ZDHHC14: variants seen among roughly 807,000 people sequenced by gnomAD.
ZDHHC14 encodes zDHHC palmitoyltransferase 14, also known as palmitoyltransferase ZDHHC14.
In ZDHHC14, 16 loss-of-function variants were observed where a neutral mutation model predicts 47.7. That is an observed-to-expected ratio of 0.34 (90% CI 0.23 to 0.51). The LOEUF is 0.51. ZDHHC14 is among the 20% of genes least tolerant of loss of function. The pLI is 0.97. For missense variants in ZDHHC14, 515 were observed against 662.5 expected, an observed-to-expected ratio of 0.78 and a Z score of 2.44; for synonymous variants, 293 against 278.9, an observed-to-expected ratio of 1.05 and a Z score of -0.50.
In ZDHHC14 at chr6:157,674,147, C is replaced by T. The variant is rs1484342646; in HGVS notation, c.*1025C>T. 8.5e-5 allele frequency: 13 copies of T among 152,168 alleles called. No individual in the cohort carries two copies. Among genetic ancestry groups the T allele is most frequent in the Admixed American group, 8.5e-4 (13 of 15,278 alleles). 9.4% of individuals were successfully genotyped at this position (152,168 alleles called of 1,614,324 possible). A position where few individuals can be genotyped will look rare whatever the true frequency, so the allele number is the denominator to read the frequency against. The stretch of plus-strand genomic sequence containing the variant: ...ATTTTCTTTAATTATCTCTTTTTGA[C>T]ACCATCTTAGTGGAATTTGCTCTAC... On this transcript the variant is annotated 3_prime_UTR_variant, in exon 9 of 9. Transcript: ENST00000359775.
At chr6:157,619,206 C>T (rs145867561) in intron 3 of ZDHHC14, among the ~76,000 whole-genome samples, 113 of 150,364 alleles carry the variant, frequency 7.5e-4, no homozygotes, top group African/African-American at 2.6e-3. Context: ...CATGGTGAAA[C>T]GCCGTCTCTA....
At chr6:157,643,650 A>AATATATATATAT (rs3056787) in intron 5 of ZDHHC14, among the ~76,000 whole-genome samples, 827 of 72,460 alleles carry the variant, frequency 0.011, 55 homozygotes, top group African/African-American at 0.014. Flanking sequence ...CTTCATCTCA[A>AATATATATATAT]ATATATATAT....
intron 1 of ZDHHC14, among the ~76,000 whole-genome samples, chr6:157,409,455 T>G (rs990724876): frequency 1.3e-5 from 2 of 152,192 alleles, no homozygotes; most frequent in Non-Finnish European, 2.9e-5. Flanking sequence ...GTAGGTAGTG[T>G]TCTCTTAGGT....
chr6:157,645,624 A>C, intron 5 of ZDHHC14, 113 bp from the exon 6 acceptor site: 1 of 750,898 alleles, frequency 1.3e-6, no homozygotes, highest in Non-Finnish European at 2.2e-6. Flanking sequence ...GGTGAGAGAG[A>C]GGCCAGCAAC....
At chr6:157,530,536 T>C (rs1191208410) in intron 1 of ZDHHC14, among the ~76,000 whole-genome samples, 2 of 152,210 alleles carry the variant, frequency 1.3e-5, no homozygotes, top group African/African-American at 4.8e-5. Context: ...ATATGCACTT[T>C]TGAAGCTGTC....
chr6:157,459,571 G>A (rs1416151812), intron 1 of ZDHHC14, among the ~76,000 whole-genome samples: 1 of 152,172 alleles, frequency 6.6e-6, no homozygotes, highest in Non-Finnish European at 1.5e-5. Flanking sequence ...GGAAGAGTTG[G>A]GGTTTCCAGG....
chr6:157,571,662 T>C (rs948850840), intron 2 of ZDHHC14, among the ~76,000 whole-genome samples: 1 of 152,110 alleles, frequency 6.6e-6, no homozygotes, highest in African/African-American at 2.4e-5. Flanking sequence ...GGTTCAGCTG[T>C]TACTTGTATG....
intron 8 of ZDHHC14, among the ~76,000 whole-genome samples, chr6:157,665,259 A>G (rs593203): frequency 0.69 from 104,806 of 152,070 alleles, 36,298 homozygotes; most frequent in African/African-American, 0.74. Flanking sequence ...CTTTGTCTCT[A>G]TAATTAGAGG....
intron 1 of ZDHHC14, among the ~76,000 whole-genome samples, chr6:157,431,881 A>C (rs1183185169): frequency 6.6e-6 from 1 of 151,894 alleles, no homozygotes; most frequent in East Asian, 1.9e-4. Flanking sequence ...AGTGTGCACC[A>C]CCATACCTAG....
At chr6:157,459,247 A>G (rs1779008121) in intron 1 of ZDHHC14, among the ~76,000 whole-genome samples, 1 of 152,118 alleles carries the variant, frequency 6.6e-6, no homozygotes, top group African/African-American at 2.4e-5. Context: ...GTTCATCATA[A>G]TGTAGAAGGT....
intron 2 of ZDHHC14, among the ~76,000 whole-genome samples, chr6:157,545,198 G>A (rs1221280039): frequency 6.6e-6 from 1 of 152,144 alleles, no homozygotes; most frequent in Non-Finnish European, 1.5e-5. Context: ...GGGGCTGGGA[G>A]GGTAGGAGTG....
intron 2 of ZDHHC14, among the ~76,000 whole-genome samples, chr6:157,558,825 A>C (rs1782584998): frequency 6.6e-6 from 1 of 152,012 alleles, no homozygotes; most frequent in Non-Finnish European, 1.5e-5. Flanking sequence ...AAGTTCAAGT[A>C]ATGTAGATCA....
chr6:157,501,625 G>A (rs1780195514), intron 1 of ZDHHC14, among the ~76,000 whole-genome samples: 1 of 152,186 alleles, frequency 6.6e-6, no homozygotes, highest in African/African-American at 2.4e-5. Flanking sequence ...CATTTCTAAA[G>A]TTAGTATTGT....
chr6:157,651,312 G>A (rs372412598), intron 7 of ZDHHC14, among the ~76,000 whole-genome samples: 29 of 152,286 alleles, frequency 1.9e-4, no homozygotes, highest in East Asian at 5.8e-4. Context: ...ATGCTTCATC[G>A]CAGGGTAGCC....
intron 1 of ZDHHC14, among the ~76,000 whole-genome samples, chr6:157,508,223 G>A (rs142481522): frequency 0.028 from 4,238 of 152,250 alleles, 176 homozygotes; most frequent in African/African-American, 0.096. Context: ...CCAGGGTGGT[G>A]GTGAGTCCTG....
chr6:157,425,152 T>A (rs771448694), intron 1 of ZDHHC14, among the ~76,000 whole-genome samples: 1 of 152,218 alleles, frequency 6.6e-6, no homozygotes, highest in Non-Finnish European at 1.5e-5. Context: ...TCAGGTTAAT[T>A]TAAATTCTCT....
At position 157,395,713 on chromosome 6, in the gene ZDHHC14, G is replaced by C. The variant is rs529015270; in HGVS notation, c.245+13447G>C. 6.6e-5 allele frequency among the ~76,000 whole-genome samples: 10 copies of C among 151,328 alleles called. No individual in the cohort carries two copies. The South Asian group carries it at 2.1e-3, about 32-fold the overall frequency. ...GAAGGCTGAGGCAGGGGAATCACTT[G>C]AACCTGGGAGGCGGAGGTTTCAGTG... On this transcript the variant is annotated intron_variant, in intron 1 of 8. Coordinates refer to ENST00000359775, the MANE Select transcript of ZDHHC14 (RefSeq NM_024630.3).
At chr6:157,452,361 A>C (rs1291449507) in intron 1 of ZDHHC14, among the ~76,000 whole-genome samples, 3 of 152,050 alleles carry the variant, frequency 2.0e-5, no homozygotes, top group Admixed American at 1.3e-4. Flanking sequence ...CCCAGCTACA[A>C]CCTGAAATAT....
chr6:157,434,625 T>A (rs1441998401), intron 1 of ZDHHC14, among the ~76,000 whole-genome samples: 1 of 151,998 alleles, frequency 6.6e-6, no homozygotes, highest in Non-Finnish European at 1.5e-5. Flanking sequence ...TCTTTTAATA[T>A]CCTGTGAGTA....
Sources: gnomAD v4.1 joint callset for allele counts (sites outside exome capture counted in the v4.1 genomes callset) on GRCh38, gnomAD v4.1.1 for gene constraint, MANE v1.5 for transcripts, NCBI Gene and HGNC (gene_info 2026-07-23, HGNC 2026-07-21) for gene names.